POLA1: variants seen among roughly 807,000 people sequenced by gnomAD.
POLA1 encodes DNA polymerase alpha 1, catalytic subunit, also known as DNA polymerase alpha catalytic subunit.
A neutral mutation model predicts 124.0 loss-of-function variants in POLA1; 15 were observed. That is an observed-to-expected ratio of 0.12 (90% CI 0.08 to 0.19). POLA1 has a LOEUF of 0.19. Among genes scored for constraint, POLA1 ranks in the 10% least tolerant of loss-of-function variants. The probability of loss-of-function intolerance (pLI) is 1.00; values close to 1 mark genes in which losing one functional copy is unlikely to be tolerated. For synonymous variants in POLA1, 408 were observed against 389.4 expected (o/e 1.05, Z -0.56); for missense variants, 886 against 1,103.4 (o/e 0.80, Z 2.79).
chrX:24,864,657 C>T (rs2046767058), intron 34 of POLA1, among the ~76,000 whole-genome samples: 1 of 111,092 alleles, frequency 9.0e-6, no homozygotes, highest in South Asian at 3.8e-4. Context: ...TTTCAATTCT[C>T]CTTCACCTTT....
chrX:24,800,025 G>C (rs1484987750), intron 26 of POLA1, among the ~76,000 whole-genome samples: 7 of 111,236 alleles, frequency 6.3e-5, no homozygotes, highest in Admixed American at 4.8e-4. Flanking sequence ...GTCTTAATTA[G>C]CCCCCCTGGA....
At chrX:24,990,597 A>C in intron 36 of POLA1, among the ~76,000 whole-genome samples, 1 of 112,921 alleles carries the variant, frequency 8.9e-6, no homozygotes, top group Middle Eastern at 4.6e-3. Flanking sequence ...AACATCTAAT[A>C]GAATATTCAT....
At chrX:24,915,615 G>T (rs969040715) in intron 35 of POLA1, among the ~76,000 whole-genome samples, 17 of 112,015 alleles carry the variant, frequency 1.5e-4, no homozygotes, top group South Asian at 3.8e-4. Flanking sequence ...GAAATTCACA[G>T]ATAATGAGAA....
intron 26 of POLA1, among the ~76,000 whole-genome samples, chrX:24,762,603 G>T (rs759313454): frequency 1.2e-4 from 13 of 111,180 alleles, no homozygotes; most frequent in Non-Finnish European, 1.7e-4. Context: ...TGTGGCCAGG[G>T]CACTGAGAAG....
At chrX:24,709,215 C>T (rs1388251825) in intron 4 of POLA1, among the ~76,000 whole-genome samples, 7 of 102,961 alleles carry the variant, frequency 6.8e-5, no homozygotes, top group African/African-American at 1.5e-4. Flanking sequence ...ACCTCCCTCC[C>T]GGACAGGGCG....
At chrX:24,734,860 C>A (rs755464319) in intron 17 of POLA1, among the ~76,000 whole-genome samples, 1 of 112,046 alleles carries the variant, frequency 8.9e-6, no homozygotes, top group East Asian at 2.8e-4. Context: ...AAGTGATTCA[C>A]CCGCCTCAGC....
chrX:24,725,880 A>G (rs1298798967), intron 12 of POLA1, 101 bp from the exon 13 acceptor site: 2 of 548,129 alleles, frequency 3.6e-6, no homozygotes, highest in South Asian at 3.4e-5. Flanking sequence ...TTTGTGTTCC[A>G]TAAGGATTCT....
At chrX:24,711,877 C>T (rs1014260907) in intron 4 of POLA1, among the ~76,000 whole-genome samples, 1 of 111,360 alleles carries the variant, frequency 9.0e-6, no homozygotes, top group South Asian at 3.7e-4. Context: ...GGATTACAGG[C>T]GTGAGCCACC....
In POLA1 at chrX:24,855,250, TG is replaced by T. The variant is rs34733223; in HGVS notation, c.4047+11579del. Among the ~76,000 whole-genome samples, 4 of 111,757 alleles carry T rather than the reference TG, an allele frequency of 3.6e-5. No individual in the cohort carries two copies. The Admixed American group carries it at 3.8e-4, about 11-fold the overall frequency. On this transcript the variant is annotated intron_variant, in intron 34 of 36. Coordinates refer to ENST00000379068, the MANE Select transcript of POLA1 (RefSeq NM_001330360.2). ...TTGTACAATAAGCATGTGTTACTTTTGGGGGGAGGGGTGTTGTTTGCATTTT... is the reference window on the plus strand; with the variant it reads ...TTGTACAATAAGCATGTGTTACTTTTGGGGGAGGGGTGTTGTTTGCATTTT...
chrX:24,717,594 C>T lies in POLA1; in HGVS notation c.923C>T (p.Pro308Leu), dbSNP rs781625739. ...GTVSYLGSFLPDVSCWDIDQE... is the reference protein window; with the variant it reads ...GTVSYLGSFLLDVSCWDIDQE... Reference sequence around the variant, plus strand: ...GATTTCTGCAGAGGAAGTTTTCTCCCGGATGTCTCTTGTTGGGACATTGAT... The same window carrying T: ...GATTTCTGCAGAGGAAGTTTTCTCCTGGATGTCTCTTGTTGGGACATTGAT... Residue 308 changes from proline (P) to leucine (L), a missense_variant, in exon 10 of 37, where the codon CCG (proline) becomes CTG (leucine). Physicochemically the swap from Pro to Leu is moderately conservative, Grantham distance 98. Transcript: ENST00000379068. The T allele has an allele frequency of 4.6e-5, 56 of 1,206,916 alleles. No individual in the cohort carries two copies. Among genetic ancestry groups the T allele is most frequent in the Non-Finnish European group, 5.8e-5 (52 of 893,081 alleles).
In POLA1 at chrX:24,995,949, A is replaced by G; in HGVS notation, c.4406A>G (p.Ter1469=). 1.7e-6 allele frequency: 2 copies of G among 1,208,004 alleles called. No homozygotes were observed. The highest frequency in any genetic ancestry group is 2.2e-6 in the Non-Finnish European group (2 of 893,593). ...KLFAGCAVKS[*] ...TTCGCTGGTTGTGCCGTGAAATCCT[A>G]AGGGAATCCCAGGAGTAACCAAGGA... The change falls in exon 37 of 37, where the codon TAA becomes TGA. Residue 1469 remains the stop codon, a stop_retained_variant. Coordinates refer to ENST00000379068, the MANE Select transcript of POLA1 (RefSeq NM_001330360.2).
intron 29 of POLA1, among the ~76,000 whole-genome samples, chrX:24,814,037 G>C (rs1241080443): frequency 3.6e-5 from 4 of 111,409 alleles, no homozygotes; most frequent in Non-Finnish European, 7.5e-5. Context: ...TTCTTGATTA[G>C]GCAAAGTTGA....
intron 36 of POLA1, among the ~76,000 whole-genome samples, chrX:24,966,273 A>G (rs1216742272): frequency 4.5e-5 from 5 of 111,323 alleles, no homozygotes; most frequent in Non-Finnish European, 9.4e-5. Flanking sequence ...CTTAATGGCA[A>G]GTCTCTTCAA....
chrX:24,970,223 A>G (rs1037134162), intron 36 of POLA1, among the ~76,000 whole-genome samples: 3 of 112,178 alleles, frequency 2.7e-5, no homozygotes, highest in African/African-American at 9.7e-5. Context: ...TCCCTATTTA[A>G]TAAATGGTGC....
chrX:24,709,344 A>C (rs1350456439), intron 4 of POLA1, among the ~76,000 whole-genome samples: 6 of 68,321 alleles, frequency 8.8e-5, no homozygotes, highest in Non-Finnish European at 1.4e-4. Context: ...CGGGGGGCTG[A>C]CCCCCCCACC....
At chrX:24,980,685 T>C (rs1019916060) in intron 36 of POLA1, among the ~76,000 whole-genome samples, 13 of 110,761 alleles carry the variant, frequency 1.2e-4, no homozygotes. Context: ...TTTTCATCTT[T>C]AGGATAATGA....
intron 26 of POLA1, among the ~76,000 whole-genome samples, chrX:24,769,501 G>C (rs1165271408): frequency 9.0e-6 from 1 of 111,534 alleles, no homozygotes; most frequent in African/African-American, 3.3e-5. Context: ...AGAGTCAGGA[G>C]GTTGGTCATC....
At chrX:24,946,874 G>T (rs2047968357) in intron 36 of POLA1, among the ~76,000 whole-genome samples, 2 of 111,616 alleles carry the variant, frequency 1.8e-5, no homozygotes, top group South Asian at 7.5e-4. Context: ...TTCCTATTAT[G>T]TCCTTCAACT....
chrX:24,888,259 A>G (rs1673462348), intron 35 of POLA1, 137 bp downstream of exon 35: 1 of 399,436 alleles, frequency 2.5e-6, no homozygotes, highest in Admixed American at 4.2e-5. Flanking sequence ...TTTAAAAAAT[A>G]CAGATTTCAG....
Sources: gnomAD v4.1 joint callset for allele counts (sites outside exome capture counted in the v4.1 genomes callset) on GRCh38, gnomAD v4.1.1 for gene constraint, MANE v1.5 for transcripts, NCBI Gene and HGNC (gene_info 2026-07-23, HGNC 2026-07-21) for gene names.